The following MBD3 variants were observed in gnomAD, a reference collection of about 807,000 sequenced individuals.
The protein encoded by MBD3 is methyl-CpG-binding domain protein 3.
In MBD3, 13 loss-of-function variants were observed where a neutral mutation model predicts 31.2. The observed-to-expected ratio is 0.42, with a 90% confidence interval of 0.27 to 0.66. The LOEUF (loss-of-function observed/expected upper bound fraction) is 0.66. Among genes scored for constraint, MBD3 ranks in the 30% least tolerant of loss-of-function variants. The probability of loss-of-function intolerance (pLI) is 0.26; values close to 1 mark genes in which losing one functional copy is unlikely to be tolerated. For missense variants in MBD3, 440 were observed against 426.5 expected, an observed-to-expected ratio of 1.03 and a Z score of -0.28; for synonymous variants, 223 against 187.4, an observed-to-expected ratio of 1.19 and a Z score of -1.55.
intron 1 of MBD3, among the ~76,000 whole-genome samples, chr19:1,588,238 G>C (rs970463611): frequency 1.3e-5 from 2 of 152,218 alleles, no homozygotes; most frequent in African/African-American, 4.8e-5. Flanking sequence ...AAGTGCCTGG[G>C]GGTCTGAAAC....
Position 1,577,781 on chromosome 19 carries a change from C to G in MBD3, c.*383G>C, listed in dbSNP as rs1917239397. 6.0e-6 allele frequency: 1 copy of G among 166,322 alleles called. No homozygotes were observed. The highest frequency in any genetic ancestry group is 1.6e-4 in the South Asian group (1 of 6,378). The allele number at this position is 166,322 out of a possible 1,614,324, so 10.3% of individuals were successfully genotyped here. ...CAGACCGAGAAACCCTCCCAGCTGT[C>G]AGCAAGCCGTGGCGCCGAGCTGCCG... On this transcript the variant is annotated 3_prime_UTR_variant, in exon 7 of 7. Transcript: ENST00000434436.
intron 3 of MBD3, 115 bp downstream of exon 3, chr19:1,584,425 C>T (rs961538235): frequency 1.1e-5 from 17 of 1,482,698 alleles, no homozygotes; most frequent in Non-Finnish European, 1.6e-5. Context: ...CCCAGGCTAG[C>T]CTGGAACTCC....
chr19:1,574,468 T>A lies in MBD3; in HGVS notation c.*3696A>T, dbSNP rs1330696110. 1 of 152,278 alleles carries A rather than the reference T, an allele frequency of 6.6e-6. No homozygotes were observed. The highest frequency in any genetic ancestry group is 1.9e-4 in the East Asian group (1 of 5,192). The allele number at this position is 152,278 out of a possible 1,614,324, so 9.4% of individuals were successfully genotyped here. A position where few individuals can be genotyped will look rare whatever the true frequency, so the allele number is the denominator to read the frequency against. ...GGATTGCACGCCGTGTCGGTGTCTG[T>A]GTGTCTCTTGCTGAGGGTGGACTCC... On this transcript the variant is annotated 3_prime_UTR_variant, in exon 7 of 7. Coordinates refer to ENST00000434436, the MANE Select transcript of MBD3 (RefSeq NM_001281453.2).
Position 1,576,731 on chromosome 19 carries a change from GCTCC to G in MBD3, c.*1429_*1432del, listed in dbSNP as rs1384594538. 3 of 152,314 alleles carry G rather than the reference GCTCC, an allele frequency of 2.0e-5. No individual in the cohort carries two copies. The highest frequency in any genetic ancestry group is 4.8e-5 in the African/African-American group (2 of 41,464). 9.4% of individuals were successfully genotyped at this position (152,314 alleles called of 1,614,324 possible). Reference sequence around the variant, plus strand: ...ATTCAGTCACGTCCCCACGCCCACGGCTCCCTCCACCAGGCAGACAGAGGGGAGG... The same window carrying G: ...ATTCAGTCACGTCCCCACGCCCACGGCTCCACCAGGCAGACAGAGGGGAGG... On this transcript the variant is annotated 3_prime_UTR_variant, in exon 7 of 7. Coordinates refer to ENST00000434436, the MANE Select transcript of MBD3 (RefSeq NM_001281453.2).
Position 1,592,618 on chromosome 19 carries a change from C to G in MBD3, c.14G>C (p.Arg5Thr). The stretch of plus-strand genomic sequence containing the variant: ...CTGCGGGAGCGCCGGGCACTCCCAC[C>G]TCTTCCGCTCCATTGCGCCCGGCTC... MERKRWECPALPQGW... is the reference protein window; with the variant it reads MERKTWECPALPQGW... Residue 5 changes from arginine to threonine, a missense_variant, in exon 1 of 7, where the codon AGG (arginine) becomes ACG (threonine). Physicochemically the swap from Arg to Thr is moderately conservative, Grantham distance 71. Coordinates refer to ENST00000434436, the MANE Select transcript of MBD3 (RefSeq NM_001281453.2). 2.9e-6 allele frequency: 4 copies of G among 1,356,542 alleles called. No individual in the cohort carries two copies. The highest frequency in any genetic ancestry group is 3.9e-6 in the Non-Finnish European group (4 of 1,026,460). 84.0% of individuals were successfully genotyped at this position (1,356,542 alleles called of 1,614,324 possible). A position where few individuals can be genotyped will look rare whatever the true frequency, so the allele number is the denominator to read the frequency against.
At position 1,592,531 on chromosome 19, in the gene MBD3, A is replaced by G; in HGVS notation, c.101T>C (p.Phe34Ser). The G allele has an allele frequency of 1.4e-6, 2 of 1,426,176 alleles. No individual in the cohort carries two copies. Among genetic ancestry groups the G allele is most frequent in the Non-Finnish European group, 1.9e-6 (2 of 1,065,282 alleles). 88.3% of individuals were successfully genotyped at this position (1,426,176 alleles called of 1,614,324 possible). A position where few individuals can be genotyped will look rare whatever the true frequency, so the allele number is the denominator to read the frequency against. ...SGLSAGHRDV[F>S]YYSPSGKKFR... ...CGGCGCGCTCATTCACCTATAGTAAAAGACATCCCTGTGGCCGGCCGACAG... is the reference window on the plus strand; with the variant it reads ...CGGCGCGCTCATTCACCTATAGTAAGAGACATCCCTGTGGCCGGCCGACAG... The change falls in exon 1 of 7, where the codon TTT becomes TCT. Residue 34 changes from phenylalanine to serine, a missense_variant. Transcript: ENST00000434436.
In MBD3 at chr19:1,578,257, C is replaced by T; in HGVS notation, c.*5+78G>A. ...GAAGCTCTTGGGAGGCACCCGTCAT[C>T]CCAAGCACATCTGTGTTCACCAGGC... On this transcript the variant is annotated intron_variant, in intron 6 of 6. Coordinates refer to ENST00000434436, the MANE Select transcript of MBD3 (RefSeq NM_001281453.2). This position sits in a 1 kb window ranked among gnomAD's most constrained non-coding sequence, Gnocchi z 6.1. The T allele has an allele frequency of 1.9e-6, 3 of 1,590,230 alleles. No individual in the cohort carries two copies. Among genetic ancestry groups the T allele is most frequent in the Non-Finnish European group, 2.6e-6 (3 of 1,174,196 alleles).
Position 1,577,410 on chromosome 19 carries a change from C to T in MBD3, c.*754G>A, listed in dbSNP as rs1461607091. ...CCCCAAAGCTGGGTGCCTGTGTCGC[C>T]ACTAAACAGAAGGGAAACCGAGGCA... On this transcript the variant is annotated 3_prime_UTR_variant, in exon 7 of 7. Coordinates refer to ENST00000434436, the MANE Select transcript of MBD3 (RefSeq NM_001281453.2). 6.6e-6 allele frequency: 1 copy of T among 152,228 alleles called. No individual in the cohort carries two copies. Among genetic ancestry groups the T allele is most frequent in the Non-Finnish European group, 1.5e-5 (1 of 68,040 alleles). The allele number at this position is 152,228 out of a possible 1,614,324, so 9.4% of individuals were successfully genotyped here.
At chr19:1,581,984 A>C (rs138572615) in intron 4 of MBD3, among the ~76,000 whole-genome samples, 3 of 151,894 alleles carry the variant, frequency 2.0e-5, no homozygotes, top group Non-Finnish European at 2.9e-5. Flanking sequence ...AGCCAGGATG[A>C]TCTCGATCTC....
In MBD3 at chr19:1,578,192, T is replaced by C. The variant is rs761688335; in HGVS notation, c.*6-34A>G. On this transcript the variant is annotated intron_variant, in intron 6 of 6. Coordinates refer to ENST00000434436, the MANE Select transcript of MBD3 (RefSeq NM_001281453.2). This position sits in a 1 kb window ranked among gnomAD's most constrained non-coding sequence, Gnocchi z 6.1. The stretch of plus-strand genomic sequence containing the variant: ...GACAGGGAGGGCTGGCTTTAGCGAC[T>C]CCACGGGACGGGGACGCTTGGGCTC... 57 of 1,320,180 alleles carry C rather than the reference T, an allele frequency of 4.3e-5. No individual in the cohort carries two copies. Among genetic ancestry groups the C allele is most frequent in the South Asian group, 4.3e-4 (32 of 74,610 alleles). The allele number at this position is 1,320,180 out of a possible 1,614,324, so 81.8% of individuals were successfully genotyped here.
At chr19:1,579,181 CAAAAAAAAAAAAA>C (rs57070800) in intron 5 of MBD3, among the ~76,000 whole-genome samples, 339 of 21,518 alleles carry the variant, frequency 0.016, 5 homozygotes, top group Admixed American at 0.021. Context: ...CAGATTCTGC[CAAAAAAAAAAAAA>C]AAAAAAAAAA....
intron 1 of MBD3, 97 bp downstream of exon 1, chr19:1,592,414 CGCACGCGCGGG>C (rs1313708947): frequency 3.4e-6 from 1 of 292,428 alleles, no homozygotes; most frequent in East Asian, 1.1e-4. Flanking sequence ...GCACGCACGA[CGCACGCGCGGG>C]GCCCAGGCCG....
rs75627714 is a variant in MBD3 at position 1,575,401 on chromosome 19, A to T, written c.*2763T>A. ...TGCAACAAGAGCGAAAGAAGAGCGA[A>T]ACTCTTGTCTAAAAAAAAAAAAAGT... On this transcript the variant is annotated 3_prime_UTR_variant, in exon 7 of 7. Transcript: ENST00000434436. 4,012 of 333,130 alleles carry T rather than the reference A, an allele frequency of 0.012. 47 individuals are homozygous for T. The highest frequency in any genetic ancestry group is 0.017 in the Non-Finnish European group (2,740 of 165,322). 20.6% of individuals were successfully genotyped at this position (333,130 alleles called of 1,614,324 possible). A position where few individuals can be genotyped will look rare whatever the true frequency, so the allele number is the denominator to read the frequency against.
intron 4 of MBD3, 68 bp downstream of exon 4, chr19:1,582,554 G>T (rs1040671058): frequency 2.1e-6 from 3 of 1,444,632 alleles, no homozygotes; most frequent in East Asian, 2.3e-5. Flanking sequence ...CAGGAGATGA[G>T]GGCACCTGCA....
rs906366788 is a variant in MBD3, at chr19:1,592,779, C to T, written c.-148G>A. 3.2e-3 allele frequency: 495 copies of T among 155,866 alleles called. 4 individuals carry two copies. The highest frequency in any genetic ancestry group is 0.011 in the African/African-American group (442 of 40,878). 9.7% of individuals were successfully genotyped at this position (155,866 alleles called of 1,614,324 possible). On this transcript the variant is annotated 5_prime_UTR_variant, in exon 1 of 7. Transcript: ENST00000434436. ...CCCGCGGGCCCCCGCCCTCCGCCCC[C>T]AGCCGGGCGCGCGCCGGCTTTGCCG...
At chr19:1,582,982 T>C (rs530344536) in intron 3 of MBD3, among the ~76,000 whole-genome samples, 62 of 152,196 alleles carry the variant, frequency 4.1e-4, no homozygotes, top group African/African-American at 1.3e-3. Flanking sequence ...AGTGGGTGGA[T>C]CACCTGAGGT....
intron 5 of MBD3, 104 bp downstream of exon 5, chr19:1,580,988 G>C: frequency 2.2e-6 from 3 of 1,394,742 alleles, no homozygotes; most frequent in Non-Finnish European, 3.0e-6. Flanking sequence ...AACCCCAGCA[G>C]CATCGTGGGG....
At chr19:1,587,995 A>C (rs1222133074) in intron 1 of MBD3, among the ~76,000 whole-genome samples, 2 of 152,232 alleles carry the variant, frequency 1.3e-5, no homozygotes, top group African/African-American at 4.8e-5. Context: ...AGAATCTCCC[A>C]TAGCCAGAAG....
rs1277089815 is a variant in MBD3, at chr19:1,577,930, G to C, written c.*234C>G. The C allele has an allele frequency of 3.7e-6, 1 of 273,146 alleles. No homozygotes were observed. The highest frequency in any genetic ancestry group is 7.1e-6 in the Non-Finnish European group (1 of 140,722). 16.9% of individuals were successfully genotyped at this position (273,146 alleles called of 1,614,324 possible). A position where few individuals can be genotyped will look rare whatever the true frequency, so the allele number is the denominator to read the frequency against. ...CCAGGAGCACCCGGCACTTCCCGAA[G>C]CCGGACTCTGTAGAGGACGAGCGTG... On this transcript the variant is annotated 3_prime_UTR_variant, in exon 7 of 7. Coordinates refer to ENST00000434436, the MANE Select transcript of MBD3 (RefSeq NM_001281453.2).
Sources: gnomAD v4.1 joint callset for allele counts (sites outside exome capture counted in the v4.1 genomes callset) on GRCh38, gnomAD v4.1.1 for gene constraint, Gnocchi (gnomAD v3.1) non-coding constraint, MANE v1.5 for transcripts, NCBI Gene and HGNC (gene_info 2026-07-23, HGNC 2026-07-21) for gene names.